The following ATRNL1 variants were observed in gnomAD, a reference collection of about 807,000 sequenced individuals.
ATRNL1 encodes attractin like 1.
Under a neutral mutation model 182.7 loss-of-function variants are expected in ATRNL1, and 95 were observed. The ratio of observed to expected loss-of-function variants is 0.52; its 90% confidence interval spans 0.44 to 0.62. The LOEUF (loss-of-function observed/expected upper bound fraction) is 0.62, where lower values mean the gene tolerates loss of function less well. Among genes scored for constraint, ATRNL1 ranks in the 20% least tolerant of loss-of-function variants. The probability of loss-of-function intolerance (pLI) is 0.00; values close to 1 mark genes in which losing one functional copy is unlikely to be tolerated. For synonymous variants in ATRNL1, 576 were observed against 568.3 expected, an observed-to-expected ratio of 1.01 and a Z score of -0.19; for missense variants, 1,471 against 1,679.5, an observed-to-expected ratio of 0.88 and a Z score of 2.17.
At chr10:115,277,157 A>T (rs1217989776) in intron 13 of ATRNL1, among the ~76,000 whole-genome samples, 4 of 131,752 alleles carry the variant, frequency 3.0e-5, no homozygotes, top group African/African-American at 1.1e-4. Flanking sequence ...AAAACAAAAA[A>T]TTATGAATCA....
chr10:115,561,377 G>A (rs1195942677), intron 26 of ATRNL1, among the ~76,000 whole-genome samples: 7 of 152,058 alleles, frequency 4.6e-5, no homozygotes, highest in Admixed American at 4.6e-4. Flanking sequence ...TTTGCCCTTT[G>A]TATTCATGGT....
intron 26 of ATRNL1, among the ~76,000 whole-genome samples, chr10:115,566,891 G>T (rs1555002064): frequency 6.7e-6 from 1 of 149,338 alleles, no homozygotes; most frequent in African/African-American, 2.6e-5. Flanking sequence ...CACCCCAGGA[G>T]GCTGCTCAAA....
intron 17 of ATRNL1, among the ~76,000 whole-genome samples, chr10:115,315,284 A>ACCACACCTTTTTTCACTC (rs1385058519): frequency 1.4e-4 from 21 of 152,160 alleles, no homozygotes; most frequent in African/African-American, 5.1e-4. Context: ...GTCATGGTTA[A>ACCACACCTTTTTTCACTC]CCACACCTTT....
intron 26 of ATRNL1, among the ~76,000 whole-genome samples, chr10:115,674,460 C>CT (rs1555042343): frequency 6.6e-6 from 1 of 151,990 alleles, no homozygotes; most frequent in Admixed American, 6.6e-5. Context: ...GAATAATATA[C>CT]TTTCTTCATT....
intron 21 of ATRNL1, among the ~76,000 whole-genome samples, chr10:115,451,782 A>G (rs1211591515): frequency 6.6e-6 from 1 of 152,190 alleles, no homozygotes; most frequent in Non-Finnish European, 1.5e-5. Context: ...AGGAGTATAA[A>G]TCATTCTACC....
At chr10:115,370,917 G>A (rs1245681948) in intron 19 of ATRNL1, among the ~76,000 whole-genome samples, 1 of 152,060 alleles carries the variant, frequency 6.6e-6, no homozygotes, top group Non-Finnish European at 1.5e-5. Context: ...AACATTTTTT[G>A]TAGGCCAGGC....
chr10:115,638,689 T>C (rs984875104), intron 26 of ATRNL1, among the ~76,000 whole-genome samples: 2 of 152,186 alleles, frequency 1.3e-5, no homozygotes, highest in African/African-American at 2.4e-5. Context: ...CATGGCGAAT[T>C]TTATGGTATG....
chr10:115,347,327 T>C (rs1856021144), intron 19 of ATRNL1, among the ~76,000 whole-genome samples: 1 of 152,176 alleles, frequency 6.6e-6, no homozygotes, highest in African/African-American at 2.4e-5. Context: ...TTGCTGTCTA[T>C]GACTTTTATA....
At chr10:115,698,479 AGT>A (rs1491385565) in intron 26 of ATRNL1, among the ~76,000 whole-genome samples, 13 of 152,036 alleles carry the variant, frequency 8.6e-5, no homozygotes, top group African/African-American at 3.1e-4. Context: ...AGTTGTTGCT[AGT>A]GTCAAGAAGA....
chr10:115,533,018 G>A (rs1441042129), intron 25 of ATRNL1, among the ~76,000 whole-genome samples: 4 of 151,976 alleles, frequency 2.6e-5, no homozygotes, highest in Non-Finnish European at 5.9e-5. Flanking sequence ...CGGTTTGCCA[G>A]TATTTTATTG....
intron 27 of ATRNL1, among the ~76,000 whole-genome samples, chr10:115,761,182 C>T (rs1413151799): frequency 1.3e-5 from 2 of 152,124 alleles, no homozygotes; most frequent in South Asian, 2.1e-4. Flanking sequence ...TATTAGAAAA[C>T]TTTTGTTCTA....
rs544457099 is a variant in ATRNL1, at chr10:115,403,597, G to C, written c.3269+8845G>C. 9.2e-5 allele frequency among the ~76,000 whole-genome samples: 14 copies of C among 151,866 alleles called. No homozygotes were observed. The East Asian group carries it at 1.7e-3, about 19-fold the overall frequency. Reference sequence around the variant, plus strand: ...CAGCCTCCTGAGTAGCTGGACTACAGGCACTCGCCACCGCACCCGGCTAAT... The same window carrying C: ...CAGCCTCCTGAGTAGCTGGACTACACGCACTCGCCACCGCACCCGGCTAAT... On this transcript the variant is annotated intron_variant, in intron 20 of 28. Coordinates refer to ENST00000355044, the MANE Select transcript of ATRNL1 (RefSeq NM_207303.4).
At chr10:115,359,792 A>G (rs782211325) in intron 19 of ATRNL1, among the ~76,000 whole-genome samples, 10 of 151,588 alleles carry the variant, frequency 6.6e-5, no homozygotes, top group South Asian at 2.1e-4. Flanking sequence ...GAGCTTAACT[A>G]TCTTACATTT....
intron 5 of ATRNL1, among the ~76,000 whole-genome samples, chr10:115,156,171 G>T (rs368952060): frequency 6.6e-6 from 1 of 152,138 alleles, no homozygotes. Flanking sequence ...CTTACCAACA[G>T]TCATTGAAAC....
At chr10:115,426,050 C>G (rs1436026514) in intron 20 of ATRNL1, among the ~76,000 whole-genome samples, 200 bp from the exon 21 acceptor site, 1 of 151,992 alleles carries the variant, frequency 6.6e-6, no homozygotes, top group Non-Finnish European at 1.5e-5. Flanking sequence ...TCATCTCTCA[C>G]TTTTTCTCAT....
intron 26 of ATRNL1, among the ~76,000 whole-genome samples, chr10:115,717,037 C>T (rs1238922398): frequency 3.9e-5 from 6 of 152,070 alleles, no homozygotes; most frequent in African/African-American, 1.2e-4. Context: ...TTTTAAATGA[C>T]CTTTTCAGTA....
chr10:115,639,670 C>G (rs1037578404), intron 26 of ATRNL1, among the ~76,000 whole-genome samples: 1 of 152,004 alleles, frequency 6.6e-6, no homozygotes, highest in African/African-American at 2.4e-5. Context: ...AGAGCAACCA[C>G]TATGGAAACT....
chr10:115,139,593 C>T (rs1470714353), intron 5 of ATRNL1, among the ~76,000 whole-genome samples: 1 of 152,158 alleles, frequency 6.6e-6, no homozygotes, highest in Admixed American at 6.5e-5. Flanking sequence ...AGACCTACCC[C>T]CATGTTTCAG....
intron 27 of ATRNL1, among the ~76,000 whole-genome samples, chr10:115,773,455 A>C (rs74158277): frequency 0.017 from 2,589 of 152,310 alleles, 57 homozygotes; most frequent in African/African-American, 0.059. Context: ...GCTTATGCTA[A>C]CCAACACCTC....
Sources: gnomAD v4.1 joint callset for allele counts (sites outside exome capture counted in the v4.1 genomes callset) on GRCh38, gnomAD v4.1.1 for gene constraint, MANE v1.5 for transcripts, NCBI Gene and HGNC (gene_info 2026-07-23, HGNC 2026-07-21) for gene names.